The following PRDM10 variants were observed in gnomAD, a reference collection of about 807,000 sequenced individuals.
The protein encoded by PRDM10 is PR domain zinc finger protein 10.
Under a neutral mutation model 133.1 loss-of-function variants are expected in PRDM10, and 65 were observed. The observed-to-expected ratio is 0.49, with a 90% CI of 0.40 to 0.60. The LOEUF (loss-of-function observed/expected upper bound fraction) is 0.60, where lower values mean the gene tolerates loss of function less well. Ranked by LOEUF, PRDM10 falls within the 20% of genes least tolerant of loss-of-function variation. The probability of loss-of-function intolerance (pLI) is 0.00; values close to 1 mark genes in which losing one functional copy is unlikely to be tolerated. For missense variants in PRDM10, 1,137 were observed against 1,507.1 expected (o/e 0.75, Z 4.07); for synonymous variants, 582 against 580.4 (o/e 1.00, Z -0.04).
At chr11:129,979,628 T>A (rs1382717294) in intron 1 of PRDM10, among the ~76,000 whole-genome samples, 1 of 152,190 alleles carries the variant, frequency 6.6e-6, no homozygotes, top group Admixed American at 6.5e-5. Flanking sequence ...CCACTGTGTT[T>A]TGACTTGTTT....
rs1052191792 is a variant in PRDM10 at position 129,918,988 on chromosome 11, A to G, written c.2035-270T>C. 2.0e-5 allele frequency among the ~76,000 whole-genome samples: 3 copies of G among 152,196 alleles called. No homozygotes were observed. Among genetic ancestry groups the G allele is most frequent in the Non-Finnish European group, 4.4e-5 (3 of 68,030 alleles). On this transcript the variant is annotated intron_variant, in intron 13 of 20. Transcript: ENST00000360871. This position sits in a 1 kb window ranked among gnomAD's most constrained non-coding sequence, Gnocchi z 5.3. ...CGACTTTTGAGAATAAAGACTGTGC[A>G]TTTATGTAGAGGAGATTAAAGAGAA...
intron 1 of PRDM10, among the ~76,000 whole-genome samples, chr11:129,972,010 G>C (rs898373646): frequency 1.2e-4 from 18 of 152,342 alleles, no homozygotes; most frequent in Admixed American, 1.0e-3. Flanking sequence ...GTGAGAAATC[G>C]AGTGCAGCGC....
chr11:129,931,362 GA>G, intron 10 of PRDM10, 104 bp from the exon 11 acceptor site: 1 of 1,414,216 alleles, frequency 7.1e-7, no homozygotes, highest in Non-Finnish European at 9.5e-7. Flanking sequence ...ATAATACTCA[GA>G]AAAAATATTC....
At chr11:129,971,487 C>G (rs1472949846) in intron 1 of PRDM10, among the ~76,000 whole-genome samples, 2 of 152,094 alleles carry the variant, frequency 1.3e-5, no homozygotes, top group African/African-American at 4.8e-5. Flanking sequence ...TACAGAGTGT[C>G]CATTGGTGCA....
At position 129,947,089 on chromosome 11, in the gene PRDM10, CACAG is replaced by C; in HGVS notation, c.520+52_520+55del. 6.3e-7 allele frequency: 1 copy of C among 1,595,808 alleles called. No homozygotes were observed. The highest frequency in any genetic ancestry group is 8.5e-7 in the Non-Finnish European group (1 of 1,170,394). Reference sequence around the variant, plus strand: ...CTATGTTCACACACACGCACACGTACACAGACACACAAGATGGACACAGCTTCCC... The same window carrying C: ...CTATGTTCACACACACGCACACGTACACACACAAGATGGACACAGCTTCCC... On this transcript the variant is annotated intron_variant, in intron 5 of 20. Transcript: ENST00000360871. This position sits in a 1 kb window ranked among gnomAD's most constrained non-coding sequence, Gnocchi z 4.6.
In PRDM10 at chr11:129,935,180, A is replaced by G. The variant is rs1197897979; in HGVS notation, c.1078T>C (p.Cys360Arg). Residue 360 changes from cysteine (C) to arginine (R), a missense_variant, in exon 9 of 21, where the codon TGT becomes CGT. Cys to Arg is a radical substitution (Grantham distance 180). Coordinates refer to ENST00000360871, the MANE Select transcript of PRDM10 (RefSeq NM_199437.2). ...EQEKNWPCYECNRRFISSEQL... is the reference protein window; with the variant it reads ...EQEKNWPCYERNRRFISSEQL... ...TCCGAGCTTATAAATCGGCGGTTAC[A>G]TTCATAGCAGGGCCAATTCTTCTCT... 1 of 1,614,094 alleles carries G rather than the reference A, an allele frequency of 6.2e-7. No individual in the cohort carries two copies.
Position 129,947,218 on chromosome 11 carries a change from TTCC to T in PRDM10, c.444_446del (p.Glu150del), listed in dbSNP as rs1951446865. 1.9e-6 allele frequency: 3 copies of T among 1,614,120 alleles called. No homozygotes were observed. The highest frequency in any genetic ancestry group is 2.5e-6 in the Non-Finnish European group (3 of 1,180,004). ...CCAGATCCGTGTCCTCACCGTCTTC[TTCC>T]TCATCTTCCTCAGTGTCCTCGTCCT... On this transcript the variant is annotated inframe_deletion, in exon 5 of 21. Coordinates refer to ENST00000360871, the MANE Select transcript of PRDM10 (RefSeq NM_199437.2). The surrounding 1 kb of genome is among the most constrained non-coding windows in gnomAD (Gnocchi z 4.6).
At chr11:129,908,841 C>T (rs1251672712) in intron 19 of PRDM10, among the ~76,000 whole-genome samples, 1 of 151,780 alleles carries the variant, frequency 6.6e-6, no homozygotes, top group Non-Finnish European at 1.5e-5. Context: ...ATCTTTCTGC[C>T]TCAGCCTCCT....
intron 13 of PRDM10, among the ~76,000 whole-genome samples, chr11:129,922,963 T>C (rs1308985199): frequency 6.6e-6 from 1 of 152,230 alleles, no homozygotes; most frequent in Non-Finnish European, 1.5e-5. Flanking sequence ...TTAGGAAATC[T>C]CAATAGCGAT....
At chr11:129,980,332 C>T (rs1236578651) in intron 1 of PRDM10, among the ~76,000 whole-genome samples, 1 of 152,162 alleles carries the variant, frequency 6.6e-6, no homozygotes, top group Non-Finnish European at 1.5e-5. Context: ...CCTTGACCCC[C>T]GGGGCCGCAC....
At chr11:129,982,974 T>A (rs1381459590) in intron 1 of PRDM10, among the ~76,000 whole-genome samples, 2 of 151,922 alleles carry the variant, frequency 1.3e-5, no homozygotes, top group African/African-American at 2.4e-5. Context: ...TAAAAGTCTT[T>A]AAAAAATTTT....
intron 17 of PRDM10, chr11:129,914,371 C>A: frequency 2.5e-6 from 1 of 406,646 alleles, no homozygotes; most frequent in Non-Finnish European, 4.6e-6. Context: ...ATTTATCAAA[C>A]TGGCTCATTA....
At chr11:129,978,174 A>C (rs954429291) in intron 1 of PRDM10, among the ~76,000 whole-genome samples, 2 of 152,146 alleles carry the variant, frequency 1.3e-5, no homozygotes, top group African/African-American at 4.8e-5. Flanking sequence ...AGGCTGTGAT[A>C]ATGCTGGGAC....
In PRDM10 at chr11:129,915,747, G is replaced by A; in HGVS notation, c.2439C>T (p.Pro813=). Reference sequence around the variant, plus strand: ...TCAGCTGGGTGTGTGTGCTCAGCATGGGGTCTGGCTCTCCAGGACCAGCGG... The same window carrying A: ...TCAGCTGGGTGTGTGTGCTCAGCATAGGGTCTGGCTCTCCAGGACCAGCGG... ...LRPAGPGEPD[P]MLSTHTQLTG... is the part of the protein sequence containing the mutation. Residue 813 remains proline, a synonymous_variant, in exon 16 of 21, where the codon CCC becomes CCT. Transcript: ENST00000360871. 2 of 1,614,192 alleles carry A rather than the reference G, an allele frequency of 1.2e-6. No individual in the cohort carries two copies. Among genetic ancestry groups the A allele is most frequent in the Non-Finnish European group, 8.5e-7 (1 of 1,180,040 alleles).
intron 10 of PRDM10, 31 bp from the exon 11 acceptor site, chr11:129,931,289 C>T: frequency 6.2e-7 from 1 of 1,608,376 alleles, no homozygotes; most frequent in East Asian, 2.2e-5. Flanking sequence ...GAATAGAGAT[C>T]AGTGCCGGAG....
At chr11:129,972,734 T>C (rs1458216082) in intron 1 of PRDM10, among the ~76,000 whole-genome samples, 1 of 152,228 alleles carries the variant, frequency 6.6e-6, no homozygotes, top group Non-Finnish European at 1.5e-5. Flanking sequence ...CTGTTTATCT[T>C]AGCTTTGTCT....
Position 129,918,443 on chromosome 11 carries a change from A to G in PRDM10, c.2214+96T>C, listed in dbSNP as rs965734346. On this transcript the variant is annotated intron_variant, in intron 14 of 20. Coordinates refer to ENST00000360871, the MANE Select transcript of PRDM10 (RefSeq NM_199437.2). The surrounding 1 kb of genome is among the most constrained non-coding windows in gnomAD (Gnocchi z 5.3). ...GACATTGACAAAACCATTGATCGAT[A>G]TAACTTAGGACACAATGCAACACAA... 121 of 1,394,404 alleles carry G rather than the reference A, an allele frequency of 8.7e-5. 1 individual carries two copies. In the Middle Eastern group the frequency reaches 1.8e-3, roughly 21 times the overall value. 86.4% of individuals were successfully genotyped at this position (1,394,404 alleles called of 1,614,324 possible). A position where few individuals can be genotyped will look rare whatever the true frequency, so the allele number is the denominator to read the frequency against.
chr11:129,914,884 C>T lies in PRDM10; in HGVS notation c.2661G>A (p.Glu887=). The part of the protein sequence containing the change: ...AVLTTDSATG[E]TVVTTDLLTQ... ...TGAGCAGGTCCGTCGTCACCACAGT[C>T]TCTCCAGTGGCGCTGTCTGTAGTCA... Residue 887 remains glutamate (E), a synonymous_variant, in exon 17 of 21, where the codon GAG becomes GAA. Coordinates refer to ENST00000360871, the MANE Select transcript of PRDM10 (RefSeq NM_199437.2). The T allele has an allele frequency of 2.5e-6, 4 of 1,614,182 alleles. No homozygotes were observed. The highest frequency in any genetic ancestry group is 3.4e-6 in the Non-Finnish European group (4 of 1,180,034).
chr11:129,973,091 C>A (rs1937607831), intron 1 of PRDM10, among the ~76,000 whole-genome samples: 2 of 152,054 alleles, frequency 1.3e-5, no homozygotes, highest in Non-Finnish European at 2.9e-5. Flanking sequence ...TAGCTCATTA[C>A]AAAATACCCA....
Sources: gnomAD v4.1 joint callset for allele counts (sites outside exome capture counted in the v4.1 genomes callset) on GRCh38, gnomAD v4.1.1 for gene constraint, Gnocchi (gnomAD v3.1) non-coding constraint, MANE v1.5 for transcripts, NCBI Gene and HGNC (gene_info 2026-07-23, HGNC 2026-07-21) for gene names.